Variants in KMT2C observed in about 807,000 individuals in gnomAD.
KMT2C encodes the protein lysine methyltransferase 2C, also known as histone-lysine N-methyltransferase 2C.
In KMT2C, 88 loss-of-function variants were observed where a neutral mutation model predicts 507.9. The ratio of observed to expected loss-of-function variants is 0.17; its 90% CI spans 0.15 to 0.21. KMT2C has a LOEUF of 0.21. KMT2C is among the 10% of genes least tolerant of loss of function. KMT2C has a pLI of 1.00. For synonymous variants in KMT2C, 2,049 were observed against 2,080.8 expected, an observed-to-expected ratio of 0.98 and a Z score of 0.42; for missense variants, 4,954 against 5,957.8, an observed-to-expected ratio of 0.83 and a Z score of 5.55.
intron 44 of KMT2C, 21 bp downstream of exon 44, chr7:152,158,842 C>T (rs759970828): frequency 1.6e-5 from 25 of 1,608,434 alleles, no homozygotes; most frequent in Non-Finnish European, 8.5e-6. Context: ...AAAGAGGCTG[C>T]TCTAAATGAC....
chr7:152,268,157 T>C (rs1252799732), intron 7 of KMT2C, among the ~76,000 whole-genome samples: 1 of 152,178 alleles, frequency 6.6e-6, no homozygotes, highest in African/African-American at 2.4e-5. Context: ...CACATGCCTG[T>C]AGTCCCAGCT....
intron 6 of KMT2C, among the ~76,000 whole-genome samples, chr7:152,302,294 G>A (rs2096576381): frequency 6.6e-6 from 1 of 152,086 alleles, no homozygotes; most frequent in Admixed American, 6.5e-5. Flanking sequence ...AACGATCTTG[G>A]CTCACTGCAA....
At chr7:152,350,832 ACT>A (rs1168286855) in intron 2 of KMT2C, among the ~76,000 whole-genome samples, 1 of 152,172 alleles carries the variant, frequency 6.6e-6, no homozygotes, top group Non-Finnish European at 1.5e-5. Context: ...TACTTTATAA[ACT>A]TTTTTTAAAC....
At chr7:152,283,502 C>T (rs1039640161) in intron 6 of KMT2C, among the ~76,000 whole-genome samples, 7 of 152,132 alleles carry the variant, frequency 4.6e-5, no homozygotes, top group African/African-American at 1.7e-4. Context: ...AAATTTGAAA[C>T]TAACAGAAGA....
At chr7:152,429,952 C>T (rs2097851201) in intron 1 of KMT2C, among the ~76,000 whole-genome samples, 1 of 151,900 alleles carries the variant, frequency 6.6e-6, no homozygotes, top group Non-Finnish European at 1.5e-5. Flanking sequence ...CCGAGGCAGG[C>T]AGATCACCTG....
At chr7:152,349,222 GA>G (rs2097090283) in intron 2 of KMT2C, among the ~76,000 whole-genome samples, 1 of 152,190 alleles carries the variant, frequency 6.6e-6, no homozygotes, top group East Asian at 1.9e-4. Context: ...GAGGCGGGTG[GA>G]TCACCTGAGA....
At chr7:152,371,593 A>T (rs1440635582) in intron 1 of KMT2C, among the ~76,000 whole-genome samples, 10 of 150,232 alleles carry the variant, frequency 6.7e-5, no homozygotes, top group African/African-American at 2.2e-4. Context: ...TGGCTGAGTG[A>T]TTTTTTTTTT....
At chr7:152,267,941 C>T (rs1421737745) in intron 7 of KMT2C, among the ~76,000 whole-genome samples, 1 of 152,070 alleles carries the variant, frequency 6.6e-6, no homozygotes, top group Admixed American at 6.6e-5. Context: ...CATTCTGTTC[C>T]CTCTGCTTGA....
rs372945174 is a variant in KMT2C at position 152,176,805 on chromosome 7, T to G, written c.8648A>C (p.Asn2883Thr). ...CDPDLFEKRT[N>T]RETAGPSANV... ...TGCACTGGGGCCAGCAGTTTCTCGATTGGTTCTTTTCTCAAATAGATCTGG... is the reference window on the plus strand; with the variant it reads ...TGCACTGGGGCCAGCAGTTTCTCGAGTGGTTCTTTTCTCAAATAGATCTGG... The change falls in exon 38 of 59, where the codon AAT (asparagine) becomes ACT (threonine). Residue 2883 changes from asparagine (N) to threonine (T), a missense_variant. Asn to Thr is a moderately conservative substitution (Grantham distance 65). Around this residue, in one of 29 missense-constraint regions of KMT2C, gnomAD observed 1,689 missense variants for 1,654.3 expected, o/e 1.02. Coordinates refer to ENST00000262189, the MANE Select transcript of KMT2C (RefSeq NM_170606.3). The G allele has an allele frequency of 6.2e-7, 1 of 1,614,206 alleles. No homozygotes were observed. Among genetic ancestry groups the G allele is most frequent in the South Asian group, 1.1e-5 (1 of 91,078 alleles).
intron 14 of KMT2C, among the ~76,000 whole-genome samples, chr7:152,244,058 T>C (rs1222652638): frequency 6.6e-6 from 1 of 152,194 alleles, no homozygotes; most frequent in Non-Finnish European, 1.5e-5. Context: ...AGAAATGGAC[T>C]GAAGACAGAA....
At chr7:152,221,842 G>C (rs1176777938) in intron 22 of KMT2C, among the ~76,000 whole-genome samples, 159 bp downstream of exon 22, 2 of 152,116 alleles carry the variant, frequency 1.3e-5, no homozygotes, top group African/African-American at 4.8e-5. Context: ...AGTAAAGCTG[G>C]ATGACATTTT....
intron 3 of KMT2C, among the ~76,000 whole-genome samples, chr7:152,330,376 T>C (rs536196958): frequency 2.4e-4 from 37 of 152,204 alleles, no homozygotes; most frequent in Non-Finnish European, 4.9e-4. Context: ...CTGAGGTGAC[T>C]AGAGTAAAAC....
At chr7:152,377,936 A>T (rs1313198455) in intron 1 of KMT2C, among the ~76,000 whole-genome samples, 1 of 152,210 alleles carries the variant, frequency 6.6e-6, no homozygotes, top group Non-Finnish European at 1.5e-5. Context: ...TCAAGACTCA[A>T]GTGGAGGAAG....
chr7:152,151,438 G>T lies in KMT2C; in HGVS notation c.12666+4C>A. The stretch of plus-strand genomic sequence containing the variant: ...GTGGGGTCATAAAAGGAGTAGCAAA[G>T]TACCTTGTTCAAAAGGGTCAGATCT... On this transcript the variant is annotated splice_donor_region_variant and intron_variant, in intron 50 of 58. Transcript: ENST00000262189. 6.2e-7 allele frequency: 1 copy of T among 1,613,808 alleles called. No individual in the cohort carries two copies. The highest frequency in any genetic ancestry group is 8.5e-7 in the Non-Finnish European group (1 of 1,179,864).
rs1554488317 is a variant in KMT2C, at chr7:152,171,331, A to G, written c.9386T>C (p.Met3129Thr). ...PPMVMSRFPF[M>T]GQVVTGTQNS... ...CTGTGTTCCAGTTACCACCTGGCCC[A>G]TAAAAGGGAACCTGTCAAAACAGGG... The change falls in exon 40 of 59, where the codon ATG (methionine) becomes ACG (threonine). Residue 3129 changes from methionine to threonine, a missense_variant. Physicochemically the swap from Met to Thr is moderately conservative, Grantham distance 81. Around this residue, in one of 29 missense-constraint regions of KMT2C, gnomAD observed 1,689 missense variants for 1,654.3 expected, o/e 1.02. Coordinates refer to ENST00000262189, the MANE Select transcript of KMT2C (RefSeq NM_170606.3). The G allele has an allele frequency of 3.7e-6, 6 of 1,604,114 alleles. No individual in the cohort carries two copies. The highest frequency in any genetic ancestry group is 4.3e-6 in the Non-Finnish European group (5 of 1,175,008).
intron 51 of KMT2C, 49 bp from the exon 52 acceptor site, chr7:152,149,201 G>T: frequency 6.9e-7 from 1 of 1,441,216 alleles, no homozygotes; most frequent in South Asian, 1.7e-5. Flanking sequence ...TCACAAGCCC[G>T]GAAAGCAATT....
chr7:152,208,294 C>CA (rs1473582344), intron 23 of KMT2C, among the ~76,000 whole-genome samples: 1 of 152,188 alleles, frequency 6.6e-6, no homozygotes, highest in Non-Finnish European at 1.5e-5. Context: ...CTCTTTCTTC[C>CA]ACTATCTTCC....
At chr7:152,289,076 T>C (rs1223057519) in intron 6 of KMT2C, among the ~76,000 whole-genome samples, 1 of 152,300 alleles carries the variant, frequency 6.6e-6, no homozygotes, top group African/African-American at 2.4e-5. Flanking sequence ...AGAAGGATTC[T>C]CAGAACATCC....
At chr7:152,427,060 G>A (rs1297582051) in intron 1 of KMT2C, among the ~76,000 whole-genome samples, 10 of 152,056 alleles carry the variant, frequency 6.6e-5, no homozygotes, top group Middle Eastern at 3.4e-3. Flanking sequence ...CTGTCGCCCA[G>A]GCTGGAGTGC....
Sources: gnomAD v4.1 joint callset for allele counts (sites outside exome capture counted in the v4.1 genomes callset) on GRCh38, gnomAD v4.1.1 for gene constraint, gnomAD v4.1.1 regional missense constraint, MANE v1.5 for transcripts, NCBI Gene and HGNC (gene_info 2026-07-23, HGNC 2026-07-21) for gene names.